SLF2: variants seen among roughly 807,000 people sequenced by gnomAD.
SLF2 encodes the protein SMC5-SMC6 complex localization factor protein 2.
SLF2 carries 68 observed loss-of-function variants against 124.3 expected under a neutral mutation model. The observed-to-expected ratio is 0.55, with a 90% CI of 0.45 to 0.67. The LOEUF is 0.67. SLF2 is among the 30% of genes least tolerant of loss of function. The pLI, the probability that SLF2 is intolerant of heterozygous loss-of-function variation, is 0.00. For synonymous variants in SLF2, 480 were observed against 478.8 expected (o/e 1.00, Z -0.03); for missense variants, 1,246 against 1,373.7 (o/e 0.91, Z 1.47).
chr10:100,937,274 G>A (rs1849882586), intron 9 of SLF2, 128 bp from the exon 10 acceptor site: 3 of 751,374 alleles, frequency 4.0e-6, no homozygotes, highest in Admixed American at 3.8e-5. Context: ...GCCTCACAAA[G>A]TGCTAGGATT....
intron 19 of SLF2, among the ~76,000 whole-genome samples, chr10:100,961,511 G>A (rs1486904803): frequency 6.6e-6 from 1 of 152,082 alleles, no homozygotes; most frequent in Admixed American, 6.6e-5. Context: ...TTTTGTATTT[G>A]TTTCTAACCT....
intron 9 of SLF2, among the ~76,000 whole-genome samples, chr10:100,932,875 GT>G (rs770356912): frequency 7.6e-5 from 5 of 66,198 alleles, no homozygotes; most frequent in Non-Finnish European, 1.4e-4. Flanking sequence ...TGCGGTTAAG[GT>G]AAGATCCAAG....
chr10:100,923,116 G>T (rs1030620985), intron 4 of SLF2, among the ~76,000 whole-genome samples: 1 of 152,100 alleles, frequency 6.6e-6, no homozygotes, highest in African/African-American at 2.4e-5. Flanking sequence ...TCAAATGTAT[G>T]TGGTTATTAA....
Position 100,964,831 on chromosome 10 carries a change from G to A in SLF2, c.*2919G>A, listed in dbSNP as rs1275739982. ...CAAGCTACTGAGTTGGAGAATTAGG[G>A]GATGACTGTGGTGGTTTGTCGCTAA... is the stretch of plus-strand genomic sequence containing the variant. On this transcript the variant is annotated 3_prime_UTR_variant, in exon 20 of 20. Coordinates refer to ENST00000238961, the MANE Select transcript of SLF2 (RefSeq NM_018121.4). The A allele has an allele frequency of 5.3e-5, 8 of 152,276 alleles. No individual in the cohort carries two copies. In the East Asian group the frequency reaches 1.3e-3, roughly 26 times the overall value. 9.4% of individuals were successfully genotyped at this position (152,276 alleles called of 1,614,324 possible).
chr10:100,936,932 C>G (rs939158476), intron 9 of SLF2, among the ~76,000 whole-genome samples: 4 of 151,530 alleles, frequency 2.6e-5, no homozygotes, highest in African/African-American at 9.7e-5. Flanking sequence ...TCCACCTTCT[C>G]CACGTATCAT....
chr10:100,935,679 CA>C (rs34370757), intron 9 of SLF2, among the ~76,000 whole-genome samples: 14 of 140,856 alleles, frequency 9.9e-5, no homozygotes, highest in Admixed American at 1.4e-4. Flanking sequence ...GACTCTGTCT[CA>C]AAAAAAAAAG....
Position 100,956,475 on chromosome 10 carries a change from G to A in SLF2, c.3355G>A (p.Ala1119Thr), listed in dbSNP as rs779346745. Reference protein sequence around the residue: ...QRKHFVLLCGALEKHVKCDIR... With the variant: ...QRKHFVLLCGTLEKHVKCDIR... ...GAAACACTTTGTGCTACTCTGTGGG[G>A]CTTTGGAAAAGCATGTTAAATGTGA... Residue 1119 changes from alanine (A) to threonine (T), a missense_variant, in exon 18 of 20, where the codon GCT (alanine) becomes ACT (threonine). Ala to Thr is a moderately conservative substitution (Grantham distance 58). Around this residue, in one of 3 missense-constraint regions of SLF2, gnomAD observed 535 missense variants for 632.8 expected, o/e 0.85. Coordinates refer to ENST00000238961, the MANE Select transcript of SLF2 (RefSeq NM_018121.4). The A allele has an allele frequency of 3.1e-6, 5 of 1,613,378 alleles. No homozygotes were observed. The highest frequency in any genetic ancestry group is 4.2e-6 in the Non-Finnish European group (5 of 1,179,740).
rs1849347418 is a variant in SLF2 at position 100,913,123 on chromosome 10, T to C, written c.13T>C (p.Cys5Arg). 6.2e-7 allele frequency: 1 copy of C among 1,612,612 alleles called. No individual in the cohort carries two copies. The highest frequency in any genetic ancestry group is 1.1e-5 in the South Asian group (1 of 90,984). The change falls in exon 1 of 20, where the codon TGC (cysteine) becomes CGC (arginine). Residue 5 changes from cysteine to arginine, a missense_variant. Physicochemically the swap from Cys to Arg is radical, Grantham distance 180. Transcript: ENST00000238961. Reference sequence around the variant, plus strand: ...CAGCGGCGCCGACATGACAAGGCGCTGCATGCCCGCTAGGCCAGGTTTCCC... The same window carrying C: ...CAGCGGCGCCGACATGACAAGGCGCCGCATGCCCGCTAGGCCAGGTTTCCC... MTRRCMPARPGFPSS... is the reference protein window; with the variant it reads MTRRRMPARPGFPSS...
chr10:100,942,046 G>A (rs1198511111), intron 11 of SLF2, among the ~76,000 whole-genome samples: 1 of 152,130 alleles, frequency 6.6e-6, no homozygotes, highest in East Asian at 1.9e-4. Flanking sequence ...GTAAAAAAAT[G>A]TTTCCTCTAC....
chr10:100,956,556 TTTTTC>T lies in SLF2; in HGVS notation c.3417+24_3417+28del. The T allele has an allele frequency of 6.5e-7, 1 of 1,532,480 alleles. No homozygotes were observed. Among genetic ancestry groups the T allele is most frequent in the South Asian group, 1.2e-5 (1 of 83,416 alleles). The allele number at this position is 1,532,480 out of a possible 1,614,324, so 94.9% of individuals were successfully genotyped here. A position where few individuals can be genotyped will look rare whatever the true frequency, so the allele number is the denominator to read the frequency against. On this transcript the variant is annotated intron_variant, in intron 18 of 19. Transcript: ENST00000238961. ...AACTAAGGTAAGTGTGTTCTTTCTTTTTTTCTTTTTTTTTTTCTTAATCTTGGTTA... is the reference window on the plus strand; with the variant it reads ...AACTAAGGTAAGTGTGTTCTTTCTTTTTTTTTTTTTTCTTAATCTTGGTTA...
In SLF2 at chr10:100,913,260, A is replaced by C. The variant is rs778868349; in HGVS notation, c.140+10A>C. The C allele has an allele frequency of 1.3e-6, 2 of 1,575,732 alleles. No individual in the cohort carries two copies. Among genetic ancestry groups the C allele is most frequent in the Non-Finnish European group, 1.7e-6 (2 of 1,160,390 alleles). On this transcript the variant is annotated intron_variant, in intron 1 of 19. Coordinates refer to ENST00000238961, the MANE Select transcript of SLF2 (RefSeq NM_018121.4). ...AGAGTCCTGGGGACAGGTACCGTGC[A>C]GAGGGCTTGAGAAGGGGCCGGGTCG...
chr10:100,955,975 T>C (rs1430721263), intron 17 of SLF2, among the ~76,000 whole-genome samples: 2 of 151,766 alleles, frequency 1.3e-5, no homozygotes, highest in Non-Finnish European at 2.9e-5. Context: ...AGGCTGAGAC[T>C]GGAGGAGCAC....
intron 7 of SLF2, 79 bp from the exon 8 acceptor site, chr10:100,929,751 T>G: frequency 8.6e-7 from 1 of 1,157,892 alleles, no homozygotes; most frequent in Non-Finnish European, 1.2e-6. Flanking sequence ...AAAAATGGTT[T>G]TCTTTGCACC....
chr10:100,957,695 T>A (rs1850359670), intron 18 of SLF2, among the ~76,000 whole-genome samples: 1 of 151,986 alleles, frequency 6.6e-6, no homozygotes, highest in Non-Finnish European at 1.5e-5. Flanking sequence ...CAACACCTAG[T>A]CTGAGCTCTA....
At chr10:100,959,610 A>G (rs1850392843) in intron 19 of SLF2, 114 bp downstream of exon 19, 1 of 1,427,026 alleles carries the variant, frequency 7.0e-7, no homozygotes. Flanking sequence ...AGTTATCTTA[A>G]GATAAACTGA....
intron 9 of SLF2, among the ~76,000 whole-genome samples, chr10:100,935,520 G>T (rs990488007): frequency 1.3e-5 from 2 of 151,716 alleles, no homozygotes; most frequent in Non-Finnish European, 2.9e-5. Flanking sequence ...GATTAACATG[G>T]AGAAACCCGT....
At position 100,924,462 on chromosome 10, in the gene SLF2, A is replaced by G. The variant is rs1284834231; in HGVS notation, c.1461A>G (p.Val487=). The G allele has an allele frequency of 1.2e-6, 2 of 1,614,178 alleles. No individual in the cohort carries two copies. The highest frequency in any genetic ancestry group is 1.7e-6 in the Non-Finnish European group (2 of 1,180,022). The change falls in exon 5 of 20, where the codon GTA becomes GTG. Residue 487 remains valine, a synonymous_variant. Transcript: ENST00000238961. ...TTCCAAGTGCTGGTTCCTCTCTAGT[A>G]CCATTAAATGCTAAAAATTGTGCTC... is the stretch of plus-strand genomic sequence containing the variant. ...SRVPSAGSSL[V]PLNAKNCALP...
In SLF2 at chr10:100,950,346, A is replaced by G. The variant is rs117955755; in HGVS notation, c.3252+139A>G. On this transcript the variant is annotated intron_variant, in intron 16 of 19. Transcript: ENST00000238961. ...CAAACATAATTTTAAAGCGAATAAT[A>G]TTTTTAATTTATCACTGTCATGAAA... 113 of 1,013,656 alleles carry G rather than the reference A, an allele frequency of 1.1e-4. No individual in the cohort carries two copies. In the East Asian group the frequency reaches 2.5e-3, roughly 23 times the overall value. The allele number at this position is 1,013,656 out of a possible 1,614,324, so 62.8% of individuals were successfully genotyped here.
rs538513778 is a variant in SLF2 at position 100,947,632 on chromosome 10, G to T, written c.3033-128G>T. ...GTTCTATAACAGCTTATATGTTCCT[G>T]TACAGACTTCTCTTGAAACATTGCC... On this transcript the variant is annotated intron_variant, in intron 14 of 19. Coordinates refer to ENST00000238961, the MANE Select transcript of SLF2 (RefSeq NM_018121.4). 1.1e-4 allele frequency: 70 copies of T among 609,502 alleles called. No individual in the cohort carries two copies. In the East Asian group the frequency reaches 1.8e-3, roughly 16 times the overall value. The allele number at this position is 609,502 out of a possible 1,614,324, so 37.8% of individuals were successfully genotyped here. A position where few individuals can be genotyped will look rare whatever the true frequency, so the allele number is the denominator to read the frequency against.
Sources: allele counts gnomAD v4.1 joint callset (sites outside exome capture counted in the v4.1 genomes callset), GRCh38; gene constraint gnomAD v4.1.1; regional missense constraint gnomAD v4.1.1; transcripts MANE v1.5; gene names NCBI Gene and HGNC (gene_info 2026-07-23, HGNC 2026-07-21).